The following XRCC5 variants were observed in gnomAD, a reference collection of about 807,000 sequenced individuals.
XRCC5 encodes the protein X-ray repair cross complementing 5.
Under a neutral mutation model 95.7 loss-of-function variants are expected in XRCC5, and 12 were observed. That is an observed-to-expected ratio of 0.13 (90% confidence interval 0.08 to 0.20). The LOEUF is 0.20. Ranked by LOEUF, XRCC5 falls within the 10% of genes least tolerant of loss-of-function variation. The pLI is 1.00. For missense variants in XRCC5, 595 were observed against 873.9 expected (o/e 0.68, Z 4.02); for synonymous variants, 281 against 290.3 (o/e 0.97, Z 0.33).
At chr2:216,186,521 AT>A (rs1420007370) in intron 16 of XRCC5, among the ~76,000 whole-genome samples, 6 of 152,226 alleles carry the variant, frequency 3.9e-5, no homozygotes, top group African/African-American at 1.4e-4. Context: ...GGGTTAGTAT[AT>A]GATGCCCATA....
chr2:216,202,530 CAGAA>C (rs1256879634), intron 19 of XRCC5, among the ~76,000 whole-genome samples: 1 of 152,040 alleles, frequency 6.6e-6, no homozygotes, highest in African/African-American at 2.4e-5. Flanking sequence ...CCAGAATAAA[CAGAA>C]TGAATGAAAC....
chr2:216,205,329 G>C lies in XRCC5; in HGVS notation c.*127G>C, dbSNP rs14908. On this transcript the variant is annotated 3_prime_UTR_variant, in exon 21 of 21. Coordinates refer to ENST00000392132, the MANE Select transcript of XRCC5 (RefSeq NM_021141.4). ...CAAGAAATTCCCAGCAGGTTACCTG[G>C]AGGCGGATCATCTAATTCTCTGTGG... 2 of 1,096,646 alleles carry C rather than the reference G, an allele frequency of 1.8e-6. No individual in the cohort carries two copies. Among genetic ancestry groups the C allele is most frequent in the East Asian group, 2.3e-5 (1 of 42,562 alleles). The allele number at this position is 1,096,646 out of a possible 1,614,324, so 67.9% of individuals were successfully genotyped here.
chr2:216,119,599 T>C (rs375923691), intron 5 of XRCC5, among the ~76,000 whole-genome samples: 10 of 152,182 alleles, frequency 6.6e-5, no homozygotes, highest in African/African-American at 2.4e-4. Flanking sequence ...TAGACAGGAA[T>C]GCCAACTTGG....
intron 14 of XRCC5, among the ~76,000 whole-genome samples, chr2:216,150,223 A>C (rs542487592): frequency 1.2e-4 from 18 of 152,276 alleles, no homozygotes; most frequent in Non-Finnish European, 2.4e-4. Flanking sequence ...GAGTGGACAA[A>C]TGTCTGTTCA....
At chr2:216,203,052 G>A (rs1689869844) in intron 19 of XRCC5, among the ~76,000 whole-genome samples, 1 of 152,304 alleles carries the variant, frequency 6.6e-6, no homozygotes, top group African/African-American at 2.4e-5. Flanking sequence ...TACCATAAAA[G>A]TAACAGGAAT....
intron 16 of XRCC5, among the ~76,000 whole-genome samples, chr2:216,172,464 C>CTTTCCTTTTTTTTTTTTTTTTTTTTT (rs1258491985): frequency 1.4e-5 from 1 of 70,350 alleles, no homozygotes; most frequent in African/African-American, 6.5e-5. Flanking sequence ...ATCAGCTTTT[C>CTTTCCTTTTTTTTTTTTTTTTTTTTT]TTTTCTTTTT....
At chr2:216,196,122 A>G (rs1384626944) in intron 19 of XRCC5, among the ~76,000 whole-genome samples, 1 of 152,184 alleles carries the variant, frequency 6.6e-6, no homozygotes, top group African/African-American at 2.4e-5. Context: ...TCAATTTTCA[A>G]CTCAAGAAAG....
At chr2:216,128,900 A>G (rs1267641555) in intron 8 of XRCC5, among the ~76,000 whole-genome samples, 1 of 152,234 alleles carries the variant, frequency 6.6e-6, no homozygotes, top group Non-Finnish European at 1.5e-5. Context: ...ACAGTTCTCA[A>G]CTAGCAGGAC....
At position 216,204,403 on chromosome 2, in the gene XRCC5, A is replaced by G; in HGVS notation, c.2184+7A>G. 1 of 1,613,850 alleles carries G rather than the reference A, an allele frequency of 6.2e-7. No homozygotes were observed. Among genetic ancestry groups the G allele is most frequent in the Non-Finnish European group, 8.5e-7 (1 of 1,179,782 alleles). On this transcript the variant is annotated splice_region_variant and intron_variant, in intron 20 of 20. Coordinates refer to ENST00000392132, the MANE Select transcript of XRCC5 (RefSeq NM_021141.4). ...TGGTGATGTGGACGATTTAGTAAGT[A>G]CTTTTAATATGCACCTGGTGTTCTA...
intron 10 of XRCC5, 111 bp from the exon 11 acceptor site, chr2:216,136,977 C>A: frequency 7.5e-7 from 1 of 1,341,868 alleles, no homozygotes; most frequent in Non-Finnish European, 9.9e-7. Context: ...CAGGGGGCAC[C>A]CTAAAAAATG....
chr2:216,161,183 A>G (rs1243664694), intron 15 of XRCC5, among the ~76,000 whole-genome samples: 1 of 152,186 alleles, frequency 6.6e-6, no homozygotes, highest in Non-Finnish European at 1.5e-5. Context: ...TAGATGTTTT[A>G]TATATAATAG....
intron 2 of XRCC5, among the ~76,000 whole-genome samples, chr2:216,114,522 C>G (rs1696647914): frequency 6.6e-6 from 1 of 151,638 alleles, no homozygotes; most frequent in Non-Finnish European, 1.5e-5. Flanking sequence ...AGAGAGGGCC[C>G]CCGAGAATGT....
chr2:216,156,033 A>G (rs1574469763), intron 14 of XRCC5, among the ~76,000 whole-genome samples: 1 of 152,210 alleles, frequency 6.6e-6, no homozygotes, highest in East Asian at 1.9e-4. Flanking sequence ...CTAAGTTACA[A>G]TGATATAAAT....
chr2:216,167,625 A>C (rs72954603), intron 16 of XRCC5, among the ~76,000 whole-genome samples: 17,126 of 135,928 alleles, frequency 0.13, 1,074 homozygotes, highest in South Asian at 0.2. Context: ...ATTTTTTTTA[A>C]TTGATCCTGA....
intron 18 of XRCC5, among the ~76,000 whole-genome samples, chr2:216,193,884 A>G (rs1225516099): frequency 6.6e-6 from 1 of 152,228 alleles, no homozygotes; most frequent in African/African-American, 2.4e-5. Context: ...GAAAATAGGA[A>G]GAAGAGCAAA....
chr2:216,184,473 C>G (rs1482672527), intron 16 of XRCC5, among the ~76,000 whole-genome samples: 1 of 152,038 alleles, frequency 6.6e-6, no homozygotes, highest in African/African-American at 2.4e-5. Flanking sequence ...TTAAATGATG[C>G]CTTGCTAATT....
intron 6 of XRCC5, 77 bp from the exon 7 acceptor site, chr2:216,125,840 A>C (rs1346236413): frequency 2.5e-6 from 3 of 1,186,378 alleles, no homozygotes; most frequent in Non-Finnish European, 3.7e-6. Context: ...TTCTCATTGT[A>C]GAAAATCAAA....
chr2:216,121,802 G>A (rs750405351), intron 5 of XRCC5, among the ~76,000 whole-genome samples: 9 of 152,160 alleles, frequency 5.9e-5, no homozygotes, highest in African/African-American at 9.7e-5. Context: ...GAGACCCTGG[G>A]TCTGGACTTC....
intron 8 of XRCC5, among the ~76,000 whole-genome samples, chr2:216,128,213 A>T (rs1048870884): frequency 2.6e-5 from 4 of 152,158 alleles, no homozygotes; most frequent in African/African-American, 7.2e-5. Context: ...TATCCAGAGG[A>T]CTTAGAAACT....
Sources: gnomAD v4.1 joint callset for allele counts (sites outside exome capture counted in the v4.1 genomes callset) on GRCh38, gnomAD v4.1.1 for gene constraint, MANE v1.5 for transcripts, NCBI Gene and HGNC (gene_info 2026-07-23, HGNC 2026-07-21) for gene names.